Variants in CBFA2T2 observed in about 807,000 individuals in gnomAD.
CBFA2T2 encodes the protein CBFA2/RUNX1 partner transcriptional co-repressor 2.
Under a neutral mutation model 62.2 loss-of-function variants are expected in CBFA2T2, and 11 were observed. The ratio of observed to expected loss-of-function variants is 0.18; its 90% CI spans 0.11 to 0.29. CBFA2T2 has a LOEUF of 0.29. Among genes scored for constraint, CBFA2T2 ranks in the 10% least tolerant of loss-of-function variants. The pLI is 1.00. For missense variants in CBFA2T2, 592 were observed against 774.1 expected (o/e 0.76, Z 2.79); for synonymous variants, 295 against 287.5 (o/e 1.03, Z -0.27).
At chr20:33,625,856 A>C (rs2122343280) in intron 6 of CBFA2T2, among the ~76,000 whole-genome samples, 1 of 151,932 alleles carries the variant, frequency 6.6e-6, no homozygotes, top group East Asian at 2.0e-4. Flanking sequence ...TAATCCCAGC[A>C]CTTTGGGAGG....
chr20:33,607,979 C>A (rs2122290452), intron 2 of CBFA2T2, among the ~76,000 whole-genome samples: 1 of 152,316 alleles, frequency 6.6e-6, no homozygotes, highest in Non-Finnish European at 1.5e-5. Context: ...CCAGGATGTT[C>A]AAAATGATAC....
intron 1 of CBFA2T2, among the ~76,000 whole-genome samples, chr20:33,497,932 C>T (rs1449425052): frequency 6.6e-6 from 1 of 152,116 alleles, no homozygotes; most frequent in African/African-American, 2.4e-5. Context: ...ATTCTCCTGC[C>T]TTGGACTCCC....
intron 1 of CBFA2T2, among the ~76,000 whole-genome samples, chr20:33,554,225 A>G (rs1049188322): frequency 3.3e-5 from 5 of 151,558 alleles, no homozygotes; most frequent in Non-Finnish European, 7.4e-5. Context: ...ATTCACTATA[A>G]GCACCAGTGT....
intron 1 of CBFA2T2, among the ~76,000 whole-genome samples, chr20:33,528,969 C>T (rs1346181149): frequency 6.6e-6 from 1 of 152,120 alleles, no homozygotes; most frequent in Middle Eastern, 3.2e-3. Context: ...AGTGTTTAAC[C>T]TTTTTCTTTT....
At chr20:33,548,956 C>T (rs992717386) in intron 1 of CBFA2T2, among the ~76,000 whole-genome samples, 1 of 149,134 alleles carries the variant, frequency 6.7e-6, no homozygotes, top group African/African-American at 2.5e-5. Context: ...GAGCAAGACC[C>T]TGTCCATCTG....
intron 1 of CBFA2T2, among the ~76,000 whole-genome samples, chr20:33,585,712 T>C (rs75276562): frequency 1.3e-3 from 192 of 152,374 alleles, no homozygotes; most frequent in Non-Finnish European, 2.3e-3. Flanking sequence ...TTCTGTGCTT[T>C]TTGTACCTAG....
chr20:33,490,505 A>G (rs1433173771), intron 1 of CBFA2T2, among the ~76,000 whole-genome samples: 2 of 151,970 alleles, frequency 1.3e-5, no homozygotes, highest in African/African-American at 4.8e-5. Context: ...CCGCCCGAAG[A>G]GCTCGGGGCT....
intron 2 of CBFA2T2, among the ~76,000 whole-genome samples, chr20:33,607,797 C>A (rs960808): frequency 0.11 from 16,791 of 152,140 alleles, 2,500 homozygotes; most frequent in African/African-American, 0.33. Flanking sequence ...AAATATAGTC[C>A]TATTCTGAGG....
chr20:33,564,215 A>G (rs1042497204), intron 1 of CBFA2T2, among the ~76,000 whole-genome samples: 12 of 150,076 alleles, frequency 8.0e-5, no homozygotes, highest in African/African-American at 1.5e-4. Flanking sequence ...TCTTCCTTCA[A>G]TTTTATAGTC....
chr20:33,554,773 T>C (rs1422911173), intron 1 of CBFA2T2, among the ~76,000 whole-genome samples: 1 of 151,948 alleles, frequency 6.6e-6, no homozygotes, highest in Non-Finnish European at 1.5e-5. Context: ...TTTTATGTGC[T>C]AGATGAGAGA....
chr20:33,519,538 C>T (rs1018190766), intron 1 of CBFA2T2, among the ~76,000 whole-genome samples: 4 of 151,978 alleles, frequency 2.6e-5, no homozygotes, highest in African/African-American at 9.7e-5. Context: ...AATATTATAC[C>T]ATTTTACGTA....
At chr20:33,628,510 C>T in intron 7 of CBFA2T2, 75 bp downstream of exon 7, 4 of 1,036,094 alleles carry the variant, frequency 3.9e-6, no homozygotes, top group Non-Finnish European at 1.5e-6. Flanking sequence ...GCTCTGTCAC[C>T]CAGGATGGAG....
rs2017007072 is a variant in CBFA2T2 at position 33,645,145 on chromosome 20, T to C, written c.*499T>C. Reference sequence around the variant, plus strand: ...CTGATTGGCCTCACGGGGACTTGGGTAAGCAACAGGCGGCATTCAGGACTC... The same window carrying C: ...CTGATTGGCCTCACGGGGACTTGGGCAAGCAACAGGCGGCATTCAGGACTC... On this transcript the variant is annotated 3_prime_UTR_variant, in exon 11 of 11. Transcript: ENST00000342704. 1 of 156,362 alleles carries C rather than the reference T, an allele frequency of 6.4e-6. No homozygotes were observed. The highest frequency in any genetic ancestry group is 6.4e-5 in the Admixed American group (1 of 15,720). The allele number at this position is 156,362 out of a possible 1,614,324, so 9.7% of individuals were successfully genotyped here. A position where few individuals can be genotyped will look rare whatever the true frequency, so the allele number is the denominator to read the frequency against.
intron 1 of CBFA2T2, among the ~76,000 whole-genome samples, chr20:33,512,633 T>C (rs903864511): frequency 1.3e-5 from 2 of 152,204 alleles, no homozygotes; most frequent in Non-Finnish European, 2.9e-5. Context: ...CACAGTAATA[T>C]ACCACAGTCG....
rs146528813 is a variant in CBFA2T2, at chr20:33,523,778, T to C, written c.34+33477T>C. Among the ~76,000 whole-genome samples, 3 of 152,060 alleles carry C rather than the reference T, an allele frequency of 2.0e-5. No homozygotes were observed. The East Asian group carries it at 5.8e-4, about 29-fold the overall frequency. On this transcript the variant is annotated intron_variant, in intron 1 of 10. Coordinates refer to ENST00000342704, the MANE Select transcript of CBFA2T2 (RefSeq NM_001032999.3). The stretch of plus-strand genomic sequence containing the variant: ...ATCCTCACCGCAACCTCCGCCTCCC[T>C]GGTTCAAGCAATTCTCCTGCCTCAG...
intron 1 of CBFA2T2, among the ~76,000 whole-genome samples, chr20:33,568,730 CTG>C (rs1214661450): frequency 6.6e-6 from 1 of 152,196 alleles, no homozygotes; most frequent in Non-Finnish European, 1.5e-5. Context: ...CTGCAGGTGA[CTG>C]TTATTGGCCC....
intron 1 of CBFA2T2, among the ~76,000 whole-genome samples, chr20:33,591,399 G>A (rs1359973408): frequency 6.7e-6 from 1 of 149,816 alleles, no homozygotes; most frequent in African/African-American, 2.5e-5. Context: ...GCTTGAACCC[G>A]GGAGGCCGAG....
intron 1 of CBFA2T2, among the ~76,000 whole-genome samples, chr20:33,503,379 C>G (rs536579935): frequency 1.3e-5 from 2 of 151,060 alleles, no homozygotes; most frequent in African/African-American, 4.9e-5. Flanking sequence ...CTCAGCCTCC[C>G]GACTAGCTGG....
rs565624500 is a variant in CBFA2T2 at position 33,554,604 on chromosome 20, T to C, written c.35-52352T>C. On this transcript the variant is annotated intron_variant, in intron 1 of 10. Coordinates refer to ENST00000342704, the MANE Select transcript of CBFA2T2 (RefSeq NM_001032999.3). ...TTTCCTTTTCCTTTTTCTTTTCTTTTTTTTTTTTTTTTTTTTTTTGAGATG... is the reference window on the plus strand; with the variant it reads ...TTTCCTTTTCCTTTTTCTTTTCTTTCTTTTTTTTTTTTTTTTTTTGAGATG... Among the ~76,000 whole-genome samples the C allele has an allele frequency of 4.7e-3, 666 of 141,160 alleles. 3 individuals carry two copies. The highest frequency in any genetic ancestry group is 0.017 in the African/African-American group (642 of 38,176). The allele number at this position is 141,160 out of a possible 152,430, so 92.6% of individuals were successfully genotyped here.
Sources: allele counts gnomAD v4.1 joint callset (sites outside exome capture counted in the v4.1 genomes callset), GRCh38; gene constraint gnomAD v4.1.1; transcripts MANE v1.5; gene names NCBI Gene and HGNC (gene_info 2026-07-23, HGNC 2026-07-21).